CSTF3: variants seen among roughly 807,000 people sequenced by gnomAD.
CSTF3 encodes the protein CF-1 77 kDa subunit.
A neutral mutation model predicts 105.8 loss-of-function variants in CSTF3; 29 were observed. That is an observed-to-expected ratio of 0.27 (90% CI 0.20 to 0.37). The LOEUF (loss-of-function observed/expected upper bound fraction) is 0.37. Among genes scored for constraint, CSTF3 ranks in the 10% least tolerant of loss-of-function variants. CSTF3 has a pLI of 1.00. For synonymous variants in CSTF3, 252 were observed against 281.9 expected, an observed-to-expected ratio of 0.89 and a Z score of 1.06; for missense variants, 357 against 879.3, an observed-to-expected ratio of 0.41 and a Z score of 7.51.
At chr11:33,133,848 G>A (rs1433485599) in intron 3 of CSTF3, among the ~76,000 whole-genome samples, 1 of 152,172 alleles carries the variant, frequency 6.6e-6, no homozygotes. Flanking sequence ...CACATTGAAG[G>A]AGACTAAGAG....
In CSTF3 at chr11:33,099,490, A is replaced by T; in HGVS notation, c.936+118T>A. ...GTGTCACTAAGATTCATATGAACGT[A>T]AACTTAAATTTTCAATACTTATGCT... On this transcript the variant is annotated intron_variant, in intron 11 of 20. Coordinates refer to ENST00000323959, the MANE Select transcript of CSTF3 (RefSeq NM_001326.3). This position sits in a 1 kb window ranked among gnomAD's most constrained non-coding sequence, Gnocchi z 4.1. 3 of 745,334 alleles carry T rather than the reference A, an allele frequency of 4.0e-6. No homozygotes were observed. Among genetic ancestry groups the T allele is most frequent in the Non-Finnish European group, 6.6e-6 (3 of 454,628 alleles). 46.2% of individuals were successfully genotyped at this position (745,334 alleles called of 1,614,324 possible).
At chr11:33,095,816 T>C (rs1378137752) in intron 15 of CSTF3, among the ~76,000 whole-genome samples, 6 of 66,762 alleles carry the variant, frequency 9.0e-5, no homozygotes, top group Non-Finnish European at 2.2e-4. Context: ...CGAGACTCTG[T>C]CTCAAATAAA....
In CSTF3 at chr11:33,108,439, A is replaced by G. The variant is rs776554146; in HGVS notation, c.226-21T>C. The G allele has an allele frequency of 5.5e-5, 80 of 1,446,102 alleles. No individual in the cohort carries two copies. The South Asian group carries it at 1.0e-3, about 19-fold the overall frequency. The allele number at this position is 1,446,102 out of a possible 1,614,324, so 89.6% of individuals were successfully genotyped here. A position where few individuals can be genotyped will look rare whatever the true frequency, so the allele number is the denominator to read the frequency against. ...TTAATCTGAAGAGAAACAGAAAAAT[A>G]TAGAATTAATACTATTTTTTTAGAG... On this transcript the variant is annotated intron_variant, in intron 3 of 20. Transcript: ENST00000323959.
intron 17 of CSTF3, among the ~76,000 whole-genome samples, 154 bp from the exon 18 acceptor site, chr11:33,087,295 T>C (rs1590259922): frequency 6.6e-6 from 1 of 152,186 alleles, no homozygotes; most frequent in Admixed American, 6.5e-5. Context: ...ATGGTAAAGA[T>C]TGTTACTCAA....
Position 33,161,364 on chromosome 11 carries a change from G to T in CSTF3, c.-39C>A. 1 of 1,609,732 alleles carries T rather than the reference G, an allele frequency of 6.2e-7. No homozygotes were observed. Among genetic ancestry groups the T allele is most frequent in the South Asian group, 1.1e-5 (1 of 91,060 alleles). On this transcript the variant is annotated 5_prime_UTR_variant, in exon 1 of 21. Transcript: ENST00000323959. ...TACAACGTGCGCACTGACCGTCGAT[G>T]GGAAGCTAGAAAAGAAAAATTAAAC...
At chr11:33,087,264 G>A (rs1855115936) in intron 17 of CSTF3, 123 bp from the exon 18 acceptor site, 3 of 929,788 alleles carry the variant, frequency 3.2e-6, no homozygotes, top group Non-Finnish European at 5.0e-6. Context: ...AAATGGAGAC[G>A]GATAAGCAAG....
In CSTF3 at chr11:33,102,304, A is replaced by G. The variant is rs75448886; in HGVS notation, c.699T>C (p.Asn233=). The G allele has an allele frequency of 1.9e-5, 31 of 1,614,100 alleles. No homozygotes were observed. In the African/African-American group the frequency reaches 3.9e-4, roughly 20 times the overall value. The part of the protein sequence containing the change: ...YETVMKGLDR[N]APSVPPQNTP... ...TATTCTGAGGAGGCACCGAGGGAGCATTACGGTCCAAGCCTTTCATTACTG... is the reference window on the plus strand; with the variant it reads ...TATTCTGAGGAGGCACCGAGGGAGCGTTACGGTCCAAGCCTTTCATTACTG... Residue 233 remains asparagine (N), a synonymous_variant, in exon 10 of 21, where the codon AAT becomes AAC. Coordinates refer to ENST00000323959, the MANE Select transcript of CSTF3 (RefSeq NM_001326.3).
chr11:33,089,925 T>C (rs921342535), intron 17 of CSTF3, among the ~76,000 whole-genome samples: 2 of 152,168 alleles, frequency 1.3e-5, no homozygotes, highest in Non-Finnish European at 2.9e-5. Context: ...AATATTAATC[T>C]CTCCCTGTGG....
intron 1 of CSTF3, among the ~76,000 whole-genome samples, chr11:33,155,286 C>T (rs1363786213): frequency 6.6e-6 from 1 of 151,784 alleles, no homozygotes; most frequent in African/African-American, 2.4e-5. Flanking sequence ...ATAGCGTGAA[C>T]CCAGGAAGCG....
chr11:33,130,634 T>C (rs1855589014), intron 3 of CSTF3, among the ~76,000 whole-genome samples: 1 of 152,324 alleles, frequency 6.6e-6, no homozygotes, highest in Middle Eastern at 3.4e-3. Flanking sequence ...GTTTTGGCCT[T>C]GATTTAAGTA....
chr11:33,108,878 G>A (rs752982761), intron 3 of CSTF3, among the ~76,000 whole-genome samples: 2 of 152,162 alleles, frequency 1.3e-5, no homozygotes, highest in African/African-American at 4.8e-5. Flanking sequence ...TGTGCTAGGC[G>A]TGGGGGCTAC....
intron 1 of CSTF3, among the ~76,000 whole-genome samples, chr11:33,146,252 G>C (rs1052866304): frequency 6.6e-6 from 1 of 151,396 alleles, no homozygotes; most frequent in Non-Finnish European, 1.5e-5. Flanking sequence ...CAAAAAAAAA[G>C]AAAAAAAGAA....
rs532041249 is a variant in CSTF3, at chr11:33,088,877, C to G, written c.1641+1655G>C. ...CAAGTGATCGCCTGCCTCAGCCTCC[C>G]AAAGTGTTGGGATTATAGGCGTGAG... On this transcript the variant is annotated intron_variant, in intron 17 of 20. Transcript: ENST00000323959. Among the ~76,000 whole-genome samples the G allele has an allele frequency of 2.6e-5, 4 of 152,342 alleles. No individual in the cohort carries two copies. In the South Asian group the frequency reaches 8.3e-4, roughly 32 times the overall value.
At chr11:33,097,148 T>A (rs1334148596) in intron 13 of CSTF3, among the ~76,000 whole-genome samples, 170 bp from the exon 14 acceptor site, 1 of 152,200 alleles carries the variant, frequency 6.6e-6, no homozygotes, top group Non-Finnish European at 1.5e-5. Context: ...ATTAATTTAT[T>A]TTTTTATTGA....
intron 3 of CSTF3, among the ~76,000 whole-genome samples, chr11:33,126,756 T>G (rs1218917687): frequency 6.6e-6 from 1 of 152,204 alleles, no homozygotes; most frequent in East Asian, 1.9e-4. Flanking sequence ...TTTCCCACTG[T>G]GGATTTTTAA....
At chr11:33,117,772 G>T (rs1855447132) in intron 3 of CSTF3, among the ~76,000 whole-genome samples, 1 of 151,784 alleles carries the variant, frequency 6.6e-6, no homozygotes, top group Non-Finnish European at 1.5e-5. Flanking sequence ...TAATTGTTTT[G>T]TCTAAACAAT....
intron 18 of CSTF3, among the ~76,000 whole-genome samples, chr11:33,086,494 A>G (rs1565000341): frequency 6.6e-6 from 1 of 151,572 alleles, no homozygotes; most frequent in African/African-American, 2.4e-5. Flanking sequence ...CTGGAGTGCA[A>G]TGGCACCATC....
At chr11:33,150,235 A>AAAAG (rs1855842411) in intron 1 of CSTF3, among the ~76,000 whole-genome samples, 3 of 106,538 alleles carry the variant, frequency 2.8e-5, no homozygotes, top group South Asian at 3.3e-4. Context: ...AAAAAAAAAA[A>AAAAG]AAAAGAAAAG....
intron 3 of CSTF3, among the ~76,000 whole-genome samples, chr11:33,114,315 T>G (rs1356286281): frequency 6.6e-6 from 1 of 152,174 alleles, no homozygotes; most frequent in African/African-American, 2.4e-5. Flanking sequence ...TAGGAACATA[T>G]TTCATGCTTC....
Sources: allele counts gnomAD v4.1 joint callset (sites outside exome capture counted in the v4.1 genomes callset), GRCh38; gene constraint gnomAD v4.1.1; non-coding constraint Gnocchi (gnomAD v3.1); transcripts MANE v1.5; gene names NCBI Gene and HGNC (gene_info 2026-07-23, HGNC 2026-07-21).